The following SCN11A variants were observed in gnomAD, a reference collection of about 807,000 sequenced individuals.
The protein encoded by SCN11A is sodium voltage-gated channel alpha subunit 11.
Under a neutral mutation model 162.2 loss-of-function variants are expected in SCN11A, and 122 were observed. The observed-to-expected ratio is 0.75, with a 90% CI of 0.65 to 0.87. SCN11A has a LOEUF of 0.87. SCN11A is among the 40% of genes least tolerant of loss of function. The pLI is 0.00. For synonymous variants in SCN11A, 758 were observed against 751.5 expected (o/e 1.01, Z -0.14); for missense variants, 2,015 against 2,181.6 (o/e 0.92, Z 1.52).
intron 6 of SCN11A, among the ~76,000 whole-genome samples, chr3:38,946,578 T>G (rs1301042256): frequency 2.0e-5 from 3 of 152,222 alleles, no homozygotes; most frequent in African/African-American, 4.8e-5. Context: ...TGCCTGCCTT[T>G]TAGTCTATGC....
intron 3 of SCN11A, among the ~76,000 whole-genome samples, chr3:38,959,488 G>A (rs1239026646): frequency 6.6e-5 from 10 of 152,164 alleles, no homozygotes; most frequent in South Asian, 2.1e-4. Flanking sequence ...GCTGGTATGC[G>A]TCTATGGCAG....
chr3:38,960,066 A>G (rs575950914), intron 3 of SCN11A, among the ~76,000 whole-genome samples: 1 of 152,128 alleles, frequency 6.6e-6, no homozygotes, highest in South Asian at 2.1e-4. Flanking sequence ...CTGTGAGCCC[A>G]TGACCTCTCA....
chr3:38,985,115 T>G (rs913374825), intron 2 of SCN11A, among the ~76,000 whole-genome samples: 1 of 148,500 alleles, frequency 6.7e-6, no homozygotes, highest in Non-Finnish European at 1.5e-5. Context: ...AAAATGTCTT[T>G]CTGGCTGGCT....
chr3:38,861,757 T>C (rs908220668), intron 28 of SCN11A, among the ~76,000 whole-genome samples: 3 of 152,134 alleles, frequency 2.0e-5, no homozygotes, highest in Non-Finnish European at 4.4e-5. Flanking sequence ...GGATCAGACT[T>C]AACTCTAAGA....
chr3:38,887,142 T>C (rs1018449276), intron 19 of SCN11A, among the ~76,000 whole-genome samples: 6 of 152,166 alleles, frequency 3.9e-5, no homozygotes, highest in Non-Finnish European at 7.3e-5. Flanking sequence ...TATGTTTTCT[T>C]AGAAGCTTCG....
chr3:38,885,308 G>C lies in SCN11A; in HGVS notation c.3044C>G (p.Pro1015Arg). The C allele has an allele frequency of 6.2e-7, 1 of 1,608,190 alleles. No homozygotes were observed. The highest frequency in any genetic ancestry group is 8.5e-7 in the Non-Finnish European group (1 of 1,174,600). The change falls in exon 21 of 30, where the codon CCA (proline) becomes CGA (arginine). Residue 1015 changes from proline (P) to arginine (R), a missense_variant. Transcript: ENST00000302328. Reference sequence around the variant, plus strand: ...CTTACCTTTGGGCAAACATCTCTCTGGTTGCTTTTTGGGAACCATCTCAGG... The same window carrying C: ...CTTACCTTTGGGCAAACATCTCTCTCGTTGCTTTTTGGGAACCATCTCAGG... Reference protein sequence around the residue: ...WLPEMVPKKQPERCLPKGFGC... With the variant: ...WLPEMVPKKQRERCLPKGFGC...
chr3:38,995,104 A>G (rs1182254670), intron 2 of SCN11A, among the ~76,000 whole-genome samples: 1 of 152,034 alleles, frequency 6.6e-6, no homozygotes, highest in African/African-American at 2.4e-5. Flanking sequence ...AGCCCATATC[A>G]GCATATAAGG....
intron 3 of SCN11A, among the ~76,000 whole-genome samples, chr3:38,957,849 T>A (rs1223395634): frequency 6.6e-6 from 1 of 152,040 alleles, no homozygotes; most frequent in Non-Finnish European, 1.5e-5. Flanking sequence ...CCTTCCAGGG[T>A]CTTCCAATCT....
At chr3:38,862,877 CA>C (rs1397846447) in intron 28 of SCN11A, among the ~76,000 whole-genome samples, 1 of 151,980 alleles carries the variant, frequency 6.6e-6, no homozygotes, top group Non-Finnish European at 1.5e-5. Context: ...ACCTGTTCCC[CA>C]AAAACTACTG....
intron 1 of SCN11A, among the ~76,000 whole-genome samples, chr3:39,042,932 G>A (rs1325284757): frequency 1.6e-5 from 2 of 124,404 alleles, no homozygotes; most frequent in African/African-American, 7.3e-5. Flanking sequence ...ACTCTAGCCT[G>A]GGCAACAAGA....
chr3:38,899,399 G>C (rs1233512522), intron 17 of SCN11A, among the ~76,000 whole-genome samples: 1 of 152,198 alleles, frequency 6.6e-6, no homozygotes, highest in African/African-American at 2.4e-5. Context: ...CTACAGAACA[G>C]AAATGTAGCA....
rs911814589 is a variant in SCN11A, at chr3:38,975,823, G to A, written c.-279-15400C>T. 3.3e-5 allele frequency among the ~76,000 whole-genome samples: 5 copies of A among 152,168 alleles called. No individual in the cohort carries two copies. In the East Asian group the frequency reaches 5.8e-4, roughly 18 times the overall value. ...AAATGGTAGTAGCCAGGGGCCGGGA[G>A]GAGGGGAGAAAGAGGAGTTGTTTAA... On this transcript the variant is annotated intron_variant, in intron 2 of 29. Transcript: ENST00000302328.
At chr3:39,012,637 T>A (rs1027787094) in intron 2 of SCN11A, among the ~76,000 whole-genome samples, 1 of 152,022 alleles carries the variant, frequency 6.6e-6, no homozygotes, top group Non-Finnish European at 1.5e-5. Flanking sequence ...TGTGCCACCG[T>A]ACCCAGCTAA....
intron 2 of SCN11A, among the ~76,000 whole-genome samples, chr3:39,022,744 G>A (rs1377340698): frequency 1.3e-5 from 2 of 152,034 alleles, no homozygotes; most frequent in Non-Finnish European, 1.5e-5. Flanking sequence ...AGCCAGGCAC[G>A]GTGGTGCATG....
At chr3:38,999,779 G>A (rs1184532631) in intron 2 of SCN11A, among the ~76,000 whole-genome samples, 1 of 152,210 alleles carries the variant, frequency 6.6e-6, no homozygotes, top group African/African-American at 2.4e-5. Context: ...ATAAGGTTCT[G>A]TTAGTGAACA....
rs141742044 is a variant in SCN11A, at chr3:38,905,528, T to C, written c.1474-207A>G. Among the ~76,000 whole-genome samples the C allele has an allele frequency of 4.7e-3, 718 of 152,362 alleles. 2 individuals are homozygous for C. Among genetic ancestry groups the C allele is most frequent in the Middle Eastern group, 6.8e-3 (2 of 294 alleles). ...GAGAAATCTGGTTTGATCATTCATA[T>C]TTCCTATGCATGCACATTTCTAGAG... On this transcript the variant is annotated intron_variant, in intron 14 of 29. Coordinates refer to ENST00000302328, the MANE Select transcript of SCN11A (RefSeq NM_001349253.2).
At chr3:39,044,710 T>A (rs1332873417) in intron 1 of SCN11A, among the ~76,000 whole-genome samples, 1 of 151,138 alleles carries the variant, frequency 6.6e-6, no homozygotes, top group Non-Finnish European at 1.5e-5. Flanking sequence ...AATGCCTACA[T>A]CAAAAAAAGC....
intron 3 of SCN11A, among the ~76,000 whole-genome samples, chr3:38,956,837 T>C (rs1321779532): frequency 6.6e-6 from 1 of 152,116 alleles, no homozygotes; most frequent in Non-Finnish European, 1.5e-5. Flanking sequence ...AGATACCAAT[T>C]TTCTCACCTT....
intron 28 of SCN11A, among the ~76,000 whole-genome samples, chr3:38,856,700 A>C (rs1325734046): frequency 6.6e-6 from 1 of 152,174 alleles, no homozygotes; most frequent in African/African-American, 2.4e-5. Flanking sequence ...TCAAGTCAGT[A>C]AATAAAACAC....
Sources: allele counts gnomAD v4.1 joint callset (sites outside exome capture counted in the v4.1 genomes callset), GRCh38; gene constraint gnomAD v4.1.1; transcripts MANE v1.5; gene names NCBI Gene and HGNC (gene_info 2026-07-23, HGNC 2026-07-21).